CEP162: variants seen among roughly 807,000 people sequenced by gnomAD.
CEP162 encodes the protein centrosomal protein of 162 kDa.
In CEP162, 141 loss-of-function variants were observed where a neutral mutation model predicts 169.2. That is an observed-to-expected ratio of 0.83 (90% CI 0.73 to 0.96). The LOEUF (loss-of-function observed/expected upper bound fraction) is 0.96. Ranked by LOEUF, CEP162 falls within the 40% of genes least tolerant of loss-of-function variation. CEP162 has a pLI of 0.00. For synonymous variants in CEP162, 540 were observed against 526.4 expected (o/e 1.03, Z -0.35); for missense variants, 1,600 against 1,587.2 (o/e 1.01, Z -0.14).
chr6:84,170,721 T>C (rs1017992067), intron 17 of CEP162, among the ~76,000 whole-genome samples: 2 of 152,156 alleles, frequency 1.3e-5, no homozygotes, highest in East Asian at 1.9e-4. Flanking sequence ...ACACAAATAG[T>C]GGTCATTTTC....
At chr6:84,149,075 T>G (rs2099520149) in intron 24 of CEP162, among the ~76,000 whole-genome samples, 1 of 152,092 alleles carries the variant, frequency 6.6e-6, no homozygotes, top group African/African-American at 2.4e-5. Flanking sequence ...GAGCAAGAGC[T>G]GTGTATCTCT....
chr6:84,208,830 TA>T (rs1309025151), intron 6 of CEP162, among the ~76,000 whole-genome samples: 1 of 152,250 alleles, frequency 6.6e-6, no homozygotes, highest in Non-Finnish European at 1.5e-5. Context: ...TAGTTATAAG[TA>T]ATTACTTTGT....
intron 3 of CEP162, among the ~76,000 whole-genome samples, chr6:84,219,411 G>C (rs922809678): frequency 6.6e-6 from 1 of 152,070 alleles, no homozygotes; most frequent in Admixed American, 6.6e-5. Context: ...CCATCAATCA[G>C]GTTACATGTG....
intron 25 of CEP162, among the ~76,000 whole-genome samples, chr6:84,132,330 C>T (rs2099511929): frequency 1.3e-5 from 2 of 152,100 alleles, no homozygotes; most frequent in African/African-American, 4.8e-5. Flanking sequence ...CTTGGAGTTG[C>T]TCTTCTTGAG....
intron 13 of CEP162, among the ~76,000 whole-genome samples, chr6:84,180,179 G>T (rs548656024): frequency 4.6e-5 from 7 of 152,138 alleles, no homozygotes; most frequent in Admixed American, 1.3e-4. Context: ...GGGATGCAAG[G>T]AGGGTTCAAC....
chr6:84,175,834 A>C (rs1277701314), intron 13 of CEP162, among the ~76,000 whole-genome samples: 1 of 152,176 alleles, frequency 6.6e-6, no homozygotes, highest in Non-Finnish European at 1.5e-5. Context: ...GGAATAATAT[A>C]AATTGCACGG....
intron 6 of CEP162, among the ~76,000 whole-genome samples, chr6:84,210,465 A>G (rs1448906558): frequency 6.6e-6 from 1 of 152,212 alleles, no homozygotes; most frequent in Non-Finnish European, 1.5e-5. Context: ...TCCTAAGAAA[A>G]CAAGTGAGCT....
At chr6:84,139,527 A>G (rs2129191855) in intron 25 of CEP162, among the ~76,000 whole-genome samples, 1 of 152,274 alleles carries the variant, frequency 6.6e-6, no homozygotes, top group Middle Eastern at 3.4e-3. Context: ...CCTTCCTGAC[A>G]GTTTTTGGCA....
chr6:84,179,230 C>T (rs1053103468), intron 13 of CEP162, among the ~76,000 whole-genome samples: 10 of 152,300 alleles, frequency 6.6e-5, no homozygotes, highest in South Asian at 2.1e-4. Context: ...CTTGAGGAAT[C>T]GCCACACTGT....
intron 22 of CEP162, among the ~76,000 whole-genome samples, chr6:84,154,379 CCTAT>C (rs143560563): frequency 0.041 from 5,070 of 124,822 alleles, 140 homozygotes; most frequent in South Asian, 0.088. Context: ...TATCTATCTA[CCTAT>C]CTATCTATCT....
chr6:84,197,374 G>A (rs986518167), intron 9 of CEP162, among the ~76,000 whole-genome samples: 5 of 151,838 alleles, frequency 3.3e-5, no homozygotes, highest in Non-Finnish European at 7.4e-5. Context: ...TTTTTTCCAT[G>A]CATATCATGA....
intron 7 of CEP162, among the ~76,000 whole-genome samples, chr6:84,203,417 ACTTAAG>A (rs2099545449): frequency 6.6e-6 from 1 of 152,194 alleles, no homozygotes; most frequent in Admixed American, 6.5e-5. Flanking sequence ...CTAAAGCTTA[ACTTAAG>A]CTTAACTTAT....
chr6:84,129,367 T>C (rs2099510286), intron 25 of CEP162, among the ~76,000 whole-genome samples: 1 of 152,228 alleles, frequency 6.6e-6, no homozygotes, highest in South Asian at 2.1e-4. Flanking sequence ...CCTGACTTTT[T>C]AATGATCGCC....
chr6:84,152,554 GAGTTTTCA>G lies in CEP162; in HGVS notation c.3612_3619del (p.Glu1205HisfsTer41). Reference sequence around the variant, plus strand: ...TAATTTAACATTTTACCTTCTCATGGAGTTTTCAAATTGATTCATCACTGCTTCAGATT... The same window carrying G: ...TAATTTAACATTTTACCTTCTCATGGAATTGATTCATCACTGCTTCAGATT... On this transcript the variant is annotated frameshift_variant, in exon 23 of 27. Transcript: ENST00000403245. LOFTEE classifies it high-confidence loss of function. 6.8e-7 allele frequency: 1 copy of G among 1,460,294 alleles called. No individual in the cohort carries two copies. The highest frequency in any genetic ancestry group is 1.8e-4 in the Middle Eastern group (1 of 5,596). The allele number at this position is 1,460,294 out of a possible 1,614,324, so 90.5% of individuals were successfully genotyped here.
At chr6:84,133,039 G>A (rs896511093) in intron 25 of CEP162, among the ~76,000 whole-genome samples, 1 of 152,074 alleles carries the variant, frequency 6.6e-6, no homozygotes, top group Non-Finnish European at 1.5e-5. Context: ...TGTGGTTTTG[G>A]TGTGTATGTC....
At chr6:84,130,962 A>G (rs569383244) in intron 25 of CEP162, among the ~76,000 whole-genome samples, 51 of 152,216 alleles carry the variant, frequency 3.4e-4, no homozygotes, top group African/African-American at 1.2e-3. Flanking sequence ...TGTTGATTTT[A>G]GATCTTTCCT....
intron 1 of CEP162, among the ~76,000 whole-genome samples, chr6:84,227,224 G>A (rs568748585): frequency 6.6e-6 from 1 of 152,268 alleles, no homozygotes; most frequent in South Asian, 2.1e-4. Context: ...CTTCTGTAGA[G>A]ATGGGGGAGG....
intron 13 of CEP162, 61 bp downstream of exon 13, chr6:84,185,126 A>C (rs2099536544): frequency 7.1e-7 from 1 of 1,401,598 alleles, no homozygotes; most frequent in Admixed American, 2.1e-5. Flanking sequence ...TGGTACCTTA[A>C]TTCTCTTCCA....
At chr6:84,214,581 T>C (rs1030656247) in intron 5 of CEP162, among the ~76,000 whole-genome samples, 1 of 152,202 alleles carries the variant, frequency 6.6e-6, no homozygotes, top group African/African-American at 2.4e-5. Context: ...ATCCACTGTC[T>C]ATAAAAAACT....
Sources: allele counts gnomAD v4.1 joint callset (sites outside exome capture counted in the v4.1 genomes callset), GRCh38; gene constraint gnomAD v4.1.1; transcripts MANE v1.5; gene names NCBI Gene and HGNC (gene_info 2026-07-23, HGNC 2026-07-21).